GCN1: variants seen among roughly 807,000 people sequenced by gnomAD.
GCN1 encodes the protein GCN1 activator of EIF2AK4.
In GCN1, 90 loss-of-function variants were observed where a neutral mutation model predicts 288.4. The observed-to-expected ratio is 0.31, with a 90% CI of 0.26 to 0.37. The LOEUF is 0.37. GCN1 is among the 10% of genes least tolerant of loss of function. The pLI is 1.00. For missense variants in GCN1, 2,586 were observed against 3,419.9 expected, an observed-to-expected ratio of 0.76 and a Z score of 6.08; for synonymous variants, 1,386 against 1,420.2, an observed-to-expected ratio of 0.98 and a Z score of 0.54.
chr12:120,187,636 A>G (rs531614914), intron 2 of GCN1, among the ~76,000 whole-genome samples: 53 of 152,160 alleles, frequency 3.5e-4, no homozygotes, highest in African/African-American at 1.0e-3. Flanking sequence ...TCTGTCACCC[A>G]GGCTGGAAAG....
intron 39 of GCN1, 79 bp from the exon 40 acceptor site, chr12:120,145,140 C>A: frequency 6.3e-7 from 1 of 1,574,986 alleles, no homozygotes; most frequent in Non-Finnish European, 8.7e-7. Flanking sequence ...CAGGAAGGGG[C>A]ACCGAGGGCC....
Position 120,145,348 on chromosome 12 carries a change from G to A in GCN1, c.4948-18C>T. 6.4e-7 allele frequency: 1 copy of A among 1,553,350 alleles called. No homozygotes were observed. The highest frequency in any genetic ancestry group is 8.7e-7 in the Non-Finnish European group (1 of 1,150,418). ...GCCAAGTCCTGCAACAACACAGGAGGCGGCTCAGGTGAGGCCCGACTCCTG... is the reference window on the plus strand; with the variant it reads ...GCCAAGTCCTGCAACAACACAGGAGACGGCTCAGGTGAGGCCCGACTCCTG... On this transcript the variant is annotated intron_variant, in intron 38 of 57. Transcript: ENST00000300648.
chr12:120,143,507 G>A (rs941021182), intron 42 of GCN1, among the ~76,000 whole-genome samples: 26 of 151,960 alleles, frequency 1.7e-4, no homozygotes, highest in African/African-American at 5.3e-4. Flanking sequence ...GCTTGAACCC[G>A]GGAGGCAGAG....
rs11831884 is a variant in GCN1, at chr12:120,161,352, C to G, written c.2436+138G>C. The G allele has an allele frequency of 1.8e-4, 118 of 651,768 alleles. No individual in the cohort carries two copies. In the African/African-American group the frequency reaches 2.0e-3, roughly 11 times the overall value. The allele number at this position is 651,768 out of a possible 1,614,324, so 40.4% of individuals were successfully genotyped here. ...GGAAAGTGTGCCAGTGCACCAGACA[C>G]TGGTCAGGGGCATCAGAGGAGTGTG... is the stretch of plus-strand genomic sequence containing the variant. On this transcript the variant is annotated intron_variant, in intron 22 of 57. Transcript: ENST00000300648.
At position 120,162,301 on chromosome 12, in the gene GCN1, G is replaced by A. The variant is rs543669072; in HGVS notation, c.2164-243C>T. The A allele has an allele frequency of 4.3e-5, 23 of 532,606 alleles. 2 individuals carry two copies. The highest frequency in any genetic ancestry group is 2.5e-4 in the South Asian group (11 of 44,848). The allele number at this position is 532,606 out of a possible 1,614,324, so 33.0% of individuals were successfully genotyped here. On this transcript the variant is annotated intron_variant, in intron 20 of 57. Transcript: ENST00000300648. ...CACTCCTTCCCAATTCTCAATCTCC[G>A]TGGTTCAGGTGGAGCTGCCCTCACT...
chr12:120,161,744 G>T, intron 21 of GCN1, 136 bp downstream of exon 21: 1 of 972,712 alleles, frequency 1.0e-6, no homozygotes, highest in South Asian at 1.5e-5. Flanking sequence ...CACCGTGCCG[G>T]GGACACAACA....
intron 14 of GCN1, among the ~76,000 whole-genome samples, chr12:120,172,651 A>G (rs1465372843): frequency 1.3e-5 from 2 of 152,024 alleles, no homozygotes; most frequent in African/African-American, 2.4e-5. Context: ...CTGGGATTAC[A>G]AGCACCTGTC....
At chr12:120,151,953 T>C (rs949411053) in intron 33 of GCN1, among the ~76,000 whole-genome samples, 2 of 152,360 alleles carry the variant, frequency 1.3e-5, no homozygotes, top group Non-Finnish European at 1.5e-5. Flanking sequence ...CTGCTTAGGC[T>C]TTCTGACACC....
In GCN1 at chr12:120,155,118, T is replaced by C. The variant is rs1594271754; in HGVS notation, c.3631-78A>G. ...GCACCAGGATTGTGAGGCAGGAAAC[T>C]AGCCGCAGCTACCCTGAGCCACCGT... On this transcript the variant is annotated intron_variant, in intron 30 of 57. Transcript: ENST00000300648. This position sits in a 1 kb window ranked among gnomAD's most constrained non-coding sequence, Gnocchi z 4.9. 6.6e-7 allele frequency: 1 copy of C among 1,516,100 alleles called. No homozygotes were observed. The highest frequency in any genetic ancestry group is 9.2e-7 in the Non-Finnish European group (1 of 1,090,984). 93.9% of individuals were successfully genotyped at this position (1,516,100 alleles called of 1,614,324 possible). A position where few individuals can be genotyped will look rare whatever the true frequency, so the allele number is the denominator to read the frequency against.
intron 36 of GCN1, 43 bp from the exon 37 acceptor site, chr12:120,148,389 A>C (rs2240317): frequency 0.18 from 277,798 of 1,533,552 alleles, 32,564 homozygotes; most frequent in East Asian, 0.54. Flanking sequence ...TCACTGAGCA[A>C]AGGCCAGCAA....
chr12:120,139,031 C>G, intron 45 of GCN1, 175 bp from the exon 46 acceptor site: 1 of 522,016 alleles, frequency 1.9e-6, no homozygotes. Context: ...GAGAAGGGGC[C>G]GGGCACGGTG....
chr12:120,159,792 G>C, intron 24 of GCN1, 33 bp downstream of exon 24: 6 of 1,594,528 alleles, frequency 3.8e-6, no homozygotes, highest in Middle Eastern at 1.7e-4. Context: ...GGCACCCCTG[G>C]GCCATCCCTG....
chr12:120,188,844 G>C (rs7978175), intron 2 of GCN1, among the ~76,000 whole-genome samples: 1 of 144,570 alleles, frequency 6.9e-6, no homozygotes, highest in East Asian at 2.0e-4. Flanking sequence ...GTGAGACTCC[G>C]TCTCAAAAAA....
Position 120,164,204 on chromosome 12 carries a change from G to A in GCN1, c.1848+132C>T, listed in dbSNP as rs991472552. ...AAGATGTTACTGGAGCTTGACGGCAGAGCAGAAGATGCTGGCATCACACAG... is the reference window on the plus strand; with the variant it reads ...AAGATGTTACTGGAGCTTGACGGCAAAGCAGAAGATGCTGGCATCACACAG... On this transcript the variant is annotated intron_variant, in intron 18 of 57. Transcript: ENST00000300648. 4 of 714,980 alleles carry A rather than the reference G, an allele frequency of 5.6e-6. No individual in the cohort carries two copies. The Admixed American group carries it at 1.0e-4, about 19-fold the overall frequency. 44.3% of individuals were successfully genotyped at this position (714,980 alleles called of 1,614,324 possible). A position where few individuals can be genotyped will look rare whatever the true frequency, so the allele number is the denominator to read the frequency against.
chr12:120,146,489 C>T (rs1877366637), intron 38 of GCN1, among the ~76,000 whole-genome samples: 1 of 152,022 alleles, frequency 6.6e-6, no homozygotes, highest in African/African-American at 2.4e-5. Context: ...TTTCAGCATC[C>T]CAAAGTCCTG....
chr12:120,166,635 CG>C (rs1192010936), intron 16 of GCN1, among the ~76,000 whole-genome samples: 3 of 140,570 alleles, frequency 2.1e-5, no homozygotes, highest in Non-Finnish European at 4.6e-5. Flanking sequence ...ACCCGGGAGG[CG>C]GAGCTTGCAG....
chr12:120,188,307 G>A (rs961922128), intron 2 of GCN1, among the ~76,000 whole-genome samples: 1 of 151,992 alleles, frequency 6.6e-6, no homozygotes, highest in African/African-American at 2.4e-5. Context: ...GGTAGCAGGT[G>A]CCTGTAATCC....
In GCN1 at chr12:120,153,394, G is replaced by A. The variant is rs369895099; in HGVS notation, c.3881C>T (p.Ser1294Leu). ...GAACTCCTCGAATACTGGCAACAGC[G>A]AGTTGACGTTCTCCTGGAAAGCCAA... ...LNTHGKENVN[S>L]LLPVFEEFLK... The change falls in exon 33 of 58, where the codon TCG (serine) becomes TTG (leucine). Residue 1294 changes from serine (S) to leucine (L), a missense_variant. Ser to Leu is a moderately radical substitution (Grantham distance 145). Transcript: ENST00000300648. The surrounding 1 kb of genome is among the most constrained non-coding windows in gnomAD (Gnocchi z 4.4). 10 of 1,613,952 alleles carry A rather than the reference G, an allele frequency of 6.2e-6. No homozygotes were observed. The highest frequency in any genetic ancestry group is 1.6e-4 in the Middle Eastern group (1 of 6,062).
At chr12:120,152,647 A>G (rs1245514180) in intron 33 of GCN1, among the ~76,000 whole-genome samples, 15 of 137,530 alleles carry the variant, frequency 1.1e-4, no homozygotes, top group African/African-American at 3.2e-4. Context: ...GCACACACAC[A>G]CACACACACA....
Sources: gnomAD v4.1 joint callset for allele counts (sites outside exome capture counted in the v4.1 genomes callset) on GRCh38, gnomAD v4.1.1 for gene constraint, Gnocchi (gnomAD v3.1) non-coding constraint, MANE v1.5 for transcripts, NCBI Gene and HGNC (gene_info 2026-07-23, HGNC 2026-07-21) for gene names.